HMGXB4: variants seen among roughly 807,000 people sequenced by gnomAD.
HMGXB4 encodes the protein HMG-box containing 4, also known as HMG domain-containing protein 4.
Under a neutral mutation model 63.9 loss-of-function variants are expected in HMGXB4, and 27 were observed. The observed-to-expected ratio is 0.42, with a 90% confidence interval of 0.31 to 0.58. HMGXB4 has a LOEUF of 0.58. Ranked by LOEUF, HMGXB4 falls within the 20% of genes least tolerant of loss-of-function variation. The pLI is 0.13. For missense variants in HMGXB4, 624 were observed against 700.7 expected, an observed-to-expected ratio of 0.89 and a Z score of 1.24; for synonymous variants, 264 against 265.3, an observed-to-expected ratio of 0.99 and a Z score of 0.05.
chr22:35,276,929 T>C (rs1267582667), intron 5 of HMGXB4, among the ~76,000 whole-genome samples: 1 of 152,266 alleles, frequency 6.6e-6, no homozygotes, highest in Non-Finnish European at 1.5e-5. Flanking sequence ...TTTAAAAAGC[T>C]TATATTGCCT....
chr22:35,268,236 T>A (rs1923382434), intron 5 of HMGXB4, among the ~76,000 whole-genome samples: 1 of 152,150 alleles, frequency 6.6e-6, no homozygotes, highest in African/African-American at 2.4e-5. Context: ...CCCTCTCCAA[T>A]CCATCCCCAA....
intron 5 of HMGXB4, among the ~76,000 whole-genome samples, chr22:35,277,364 T>C (rs1923973653): frequency 6.6e-6 from 1 of 152,226 alleles, no homozygotes; most frequent in Admixed American, 6.5e-5. Flanking sequence ...TATGTTTTTG[T>C]TTTGAGACAC....
chr22:35,250,700 G>T, the HMGXB4 span, among the ~76,000 whole-genome samples: 1 of 152,132 alleles, frequency 6.6e-6, no homozygotes, highest in African/African-American at 2.4e-5. Context: ...AAAGGGGAGT[G>T]GGGGAGATGC....
At chr22:35,257,031 T>C (rs953554720), upstream of HMGXB4, among the ~76,000 whole-genome samples, 3 of 152,258 alleles carry the variant, frequency 2.0e-5, no homozygotes, top group Non-Finnish European at 4.4e-5. Flanking sequence ...TGCCAAATGT[T>C]CAAATGTAGA....
chr22:35,264,621 G>T, intron 4 of HMGXB4, 27 bp from the exon 5 acceptor site: 1 of 1,499,294 alleles, frequency 6.7e-7, no homozygotes, highest in South Asian at 1.3e-5. Flanking sequence ...CCATCATATT[G>T]ACAGTACTTC....
At chr22:35,244,691 C>T in the HMGXB4 span, among the ~76,000 whole-genome samples, 15 of 152,152 alleles carry the variant, frequency 9.9e-5, no homozygotes, top group Non-Finnish European at 2.2e-4. Context: ...TTCTCCTCTG[C>T]CTTTGCCCCT....
At chr22:35,287,566 T>A (rs1439694543) in intron 8 of HMGXB4, 114 bp downstream of exon 8, 9 of 689,224 alleles carry the variant, frequency 1.3e-5, no homozygotes, top group Non-Finnish European at 2.1e-5. Flanking sequence ...TTCCCAGGTA[T>A]TATTACCTGG....
At position 35,279,677 on chromosome 22, in the gene HMGXB4, C is replaced by CTTTT. The variant is rs35564206; in HGVS notation, c.1216-4266_1216-4263dup. ...GGGGGTGAGGTCTGTGTCTAGATTC[C>CTTTT]TTTTTTTTTTTTTTTTTTTTTTGGC... On this transcript the variant is annotated intron_variant, in intron 5 of 10. Coordinates refer to ENST00000216106, the MANE Select transcript of HMGXB4 (RefSeq NM_001003681.3). Among the ~76,000 whole-genome samples, 217 of 55,148 alleles carry CTTTT rather than the reference C, an allele frequency of 3.9e-3. 5 individuals are homozygous for CTTTT. Among genetic ancestry groups the CTTTT allele is most frequent in the African/African-American group, 0.011 (208 of 18,328 alleles). The allele number at this position is 55,148 out of a possible 152,430, so 36.2% of individuals were successfully genotyped here.
At chr22:35,257,916 G>A (rs1040537035) in intron 1 of HMGXB4, among the ~76,000 whole-genome samples, 1 of 152,072 alleles carries the variant, frequency 6.6e-6, no homozygotes, top group Admixed American at 6.5e-5. Context: ...GAGGCCGCCG[G>A]AGACGCGGGA....
Position 35,294,392 on chromosome 22 carries a change from C to T in HMGXB4, c.*741C>T, listed in dbSNP as rs1925127035. 6.6e-6 allele frequency: 1 copy of T among 152,514 alleles called. No homozygotes were observed. The highest frequency in any genetic ancestry group is 2.4e-5 in the African/African-American group (1 of 41,408). The allele number at this position is 152,514 out of a possible 1,614,324, so 9.4% of individuals were successfully genotyped here. The stretch of plus-strand genomic sequence containing the variant: ...GGACCTCCATACATTCTGAGCTAAC[C>T]CAGAATCTTTAGTCGGCAGAATTAA... On this transcript the variant is annotated 3_prime_UTR_variant, in exon 11 of 11. Coordinates refer to ENST00000216106, the MANE Select transcript of HMGXB4 (RefSeq NM_001003681.3).
At chr22:35,287,178 C>T in intron 7 of HMGXB4, 169 bp from the exon 8 acceptor site, 2 of 590,104 alleles carry the variant, frequency 3.4e-6, no homozygotes, top group Non-Finnish European at 6.2e-6. Flanking sequence ...ATGTAGTCAG[C>T]TGTCTGAAGT....
the HMGXB4 span, among the ~76,000 whole-genome samples, chr22:35,243,511 TTTTG>T: frequency 6.6e-6 from 1 of 152,108 alleles, no homozygotes; most frequent in Non-Finnish European, 1.5e-5. Flanking sequence ...TAAGAGTTTT[TTTTG>T]TTTGTTTCTT....
intron 5 of HMGXB4, among the ~76,000 whole-genome samples, chr22:35,277,108 C>T (rs8141767): frequency 7.0e-6 from 1 of 143,528 alleles, no homozygotes; most frequent in Admixed American, 6.8e-5. Flanking sequence ...GGACTCAACT[C>T]GGTTCTCTGC....
At chr22:35,275,805 G>A (rs1002396464) in intron 5 of HMGXB4, among the ~76,000 whole-genome samples, 1 of 152,228 alleles carries the variant, frequency 6.6e-6, no homozygotes, top group Non-Finnish European at 1.5e-5. Context: ...TTTAAAAGGA[G>A]ATCCTGGTAG....
intron 2 of HMGXB4, 121 bp from the exon 3 acceptor site, chr22:35,262,957 C>A: frequency 1.1e-6 from 1 of 941,016 alleles, no homozygotes; most frequent in Non-Finnish European, 1.7e-6. Flanking sequence ...TTTCAGTGGA[C>A]TTGATTGAAA....
intron 10 of HMGXB4, 40 bp downstream of exon 10, chr22:35,293,154 CG>C: frequency 1.9e-6 from 3 of 1,612,514 alleles, no homozygotes; most frequent in Non-Finnish European, 2.5e-6. Context: ...ATCCATTGGG[CG>C]TCAGAGATGC....
At chr22:35,255,122 T>C (rs767149727), upstream of HMGXB4, among the ~76,000 whole-genome samples, 8 of 152,214 alleles carry the variant, frequency 5.3e-5, no homozygotes, top group Non-Finnish European at 1.2e-4. Flanking sequence ...CTCATAGTGA[T>C]TGCTTTTTGT....
Position 35,265,379 on chromosome 22 carries a change from A to G in HMGXB4, c.991A>G (p.Lys331Glu), listed in dbSNP as rs768436683. ...AAAGAAGAGCAAAAAGAAGAAAGACAAGGAGAAGCATAAAGAGAAGCGACA... is the reference window on the plus strand; with the variant it reads ...AAAGAAGAGCAAAAAGAAGAAAGACGAGGAGAAGCATAAAGAGAAGCGACA... ...KSKKSKKKKD[K>E]EKHKEKRHSK... The change falls in exon 5 of 11, where the codon AAG becomes GAG. Residue 331 changes from lysine to glutamate, a missense_variant. This residue lies in a region of HMGXB4 where 472 missense variants were observed against 470.6 expected (regional missense o/e 1.00). Transcript: ENST00000216106. 7.2e-5 allele frequency: 116 copies of G among 1,614,016 alleles called. 1 individual carries two copies. Among genetic ancestry groups the G allele is most frequent in the Non-Finnish European group, 9.3e-5 (110 of 1,180,032 alleles).
chr22:35,246,822 T>A, the HMGXB4 span, among the ~76,000 whole-genome samples: 1 of 152,248 alleles, frequency 6.6e-6, no homozygotes, highest in Non-Finnish European at 1.5e-5. Context: ...TCCAAGGTGT[T>A]TAGTTGTACT....
Sources: gnomAD v4.1 joint callset for allele counts (sites outside exome capture counted in the v4.1 genomes callset) on GRCh38, gnomAD v4.1.1 for gene constraint, gnomAD v4.1.1 regional missense constraint, MANE v1.5 for transcripts, NCBI Gene and HGNC (gene_info 2026-07-23, HGNC 2026-07-21) for gene names.